The following FSTL4 variants were observed in gnomAD, a reference collection of about 807,000 sequenced individuals.
The protein encoded by FSTL4 is follistatin like 4.
Under a neutral mutation model 78.2 loss-of-function variants are expected in FSTL4, and 28 were observed. The ratio of observed to expected loss-of-function variants is 0.36; its 90% CI spans 0.27 to 0.49. The LOEUF (loss-of-function observed/expected upper bound fraction) is 0.49, where lower values mean the gene tolerates loss of function less well. Ranked by LOEUF, FSTL4 falls within the 20% of genes least tolerant of loss-of-function variation. The pLI is 0.98. For missense variants in FSTL4, 922 were observed against 1,084.9 expected (o/e 0.85, Z 2.11); for synonymous variants, 422 against 440.5 (o/e 0.96, Z 0.53).
intron 3 of FSTL4, among the ~76,000 whole-genome samples, chr5:133,464,928 A>G (rs755677325): frequency 4.6e-5 from 7 of 152,176 alleles, no homozygotes; most frequent in Non-Finnish European, 1.0e-4. Flanking sequence ...TACATCCCCA[A>G]GAAGTCAGTG....
At chr5:133,593,234 C>T (rs1461971917) in intron 2 of FSTL4, among the ~76,000 whole-genome samples, 1 of 152,126 alleles carries the variant, frequency 6.6e-6, no homozygotes, top group African/African-American at 2.4e-5. Flanking sequence ...GGCCCTGAAA[C>T]TTGTCCACCA....
chr5:133,780,491 C>G, the FSTL4 span, among the ~76,000 whole-genome samples: 2 of 149,780 alleles, frequency 1.3e-5, no homozygotes, highest in Non-Finnish European at 1.5e-5. Flanking sequence ...CAGCTTGTCT[C>G]CTGTGTATTG....
At chr5:133,572,212 T>C (rs932475324) in intron 2 of FSTL4, among the ~76,000 whole-genome samples, 4 of 152,228 alleles carry the variant, frequency 2.6e-5, no homozygotes, top group Non-Finnish European at 4.4e-5. Context: ...GTGGGATAGC[T>C]GATTTTTCAG....
the FSTL4 span, among the ~76,000 whole-genome samples, chr5:133,799,446 A>G: frequency 1.4e-5 from 2 of 138,888 alleles, 1 homozygote; most frequent in African/African-American, 5.3e-5. Flanking sequence ...GTTAAGCCAC[A>G]GACACTGCTT....
chr5:133,250,993 C>T (rs765644560), intron 6 of FSTL4, among the ~76,000 whole-genome samples: 1 of 152,170 alleles, frequency 6.6e-6, no homozygotes, highest in Non-Finnish European at 1.5e-5. Context: ...GTGAAGGAAC[C>T]CTCAAGGAAA....
intron 4 of FSTL4, among the ~76,000 whole-genome samples, chr5:133,335,689 G>GGT (rs879769005): frequency 2.6e-5 from 4 of 151,540 alleles, no homozygotes; most frequent in Non-Finnish European, 5.9e-5. Flanking sequence ...CTTGGGGGGG[G>GGT]TGGCAATCAG....
At chr5:133,534,143 T>TA (rs1313955368) in intron 3 of FSTL4, among the ~76,000 whole-genome samples, 3 of 151,280 alleles carry the variant, frequency 2.0e-5, no homozygotes, top group South Asian at 4.2e-4. Context: ...CTGGTTGTAT[T>TA]AAAAAAAACC....
At chr5:133,610,598 C>G (rs1761068757) in intron 1 of FSTL4, among the ~76,000 whole-genome samples, 1 of 152,210 alleles carries the variant, frequency 6.6e-6, no homozygotes, top group Admixed American at 6.5e-5. Flanking sequence ...GCTTGAGCTC[C>G]TGCCTGAGAG....
At chr5:133,459,262 G>C (rs776443154) in intron 3 of FSTL4, among the ~76,000 whole-genome samples, 11 of 152,052 alleles carry the variant, frequency 7.2e-5, no homozygotes, top group Admixed American at 4.6e-4. Context: ...GACAGTCCCC[G>C]AGAGTGCTTT....
intron 4 of FSTL4, among the ~76,000 whole-genome samples, chr5:133,330,477 G>A (rs533676268): frequency 2.0e-5 from 3 of 152,222 alleles, no homozygotes; most frequent in South Asian, 2.1e-4. Flanking sequence ...ACCAGATCTC[G>A]CAAGGACTCA....
intron 6 of FSTL4, among the ~76,000 whole-genome samples, chr5:133,253,542 G>C (rs1029600949): frequency 1.3e-5 from 2 of 152,170 alleles, no homozygotes; most frequent in African/African-American, 4.8e-5. Flanking sequence ...ATCTGCCCCT[G>C]TTCTTTGCCC....
the FSTL4 span, among the ~76,000 whole-genome samples, chr5:133,676,524 A>G: frequency 9.2e-5 from 14 of 152,294 alleles, no homozygotes; most frequent in East Asian, 2.1e-3. Context: ...TCTTTTTCTT[A>G]GAATAGCCTT....
intron 6 of FSTL4, among the ~76,000 whole-genome samples, chr5:133,289,158 G>C (rs1378599115): frequency 1.3e-5 from 2 of 152,196 alleles, no homozygotes; most frequent in East Asian, 3.9e-4. Context: ...TGGAGCCTCA[G>C]GGCAAAGCAG....
At chr5:133,711,863 A>G in the FSTL4 span, among the ~76,000 whole-genome samples, 2 of 152,318 alleles carry the variant, frequency 1.3e-5, no homozygotes, top group African/African-American at 4.8e-5. Flanking sequence ...AAATGGTGGA[A>G]GGACAGGAGT....
chr5:133,379,650 A>AT (rs1457273955), intron 4 of FSTL4, among the ~76,000 whole-genome samples: 1 of 152,240 alleles, frequency 6.6e-6, no homozygotes, highest in African/African-American at 2.4e-5. Flanking sequence ...TACATAACCA[A>AT]TGGGTCAAAT....
At position 133,400,894 on chromosome 5, in the gene FSTL4, G is replaced by C. The variant is rs748030240; in HGVS notation, c.253C>G (p.Pro85Ala). The change falls in exon 4 of 16, where the codon CCC (proline) becomes GCC (alanine). Residue 85 changes from proline (P) to alanine (A), a missense_variant. By Grantham distance (27) the Pro-to-Ala change is conservative. Transcript: ENST00000265342. ...CATGCCTCCAGGCACTGGCATTCGG[G>C]CTCCCCTGTCTTCCTGCTGAGCACG... ...RCVLSRKTGEPECQCLEACRP... is the reference protein window; with the variant it reads ...RCVLSRKTGEAECQCLEACRP... 2.5e-6 allele frequency: 4 copies of C among 1,613,838 alleles called. No individual in the cohort carries two copies. Among genetic ancestry groups the C allele is most frequent in the Non-Finnish European group, 3.4e-6 (4 of 1,180,020 alleles).
chr5:133,637,207 A>G, the FSTL4 span, among the ~76,000 whole-genome samples: 1 of 151,852 alleles, frequency 6.6e-6, no homozygotes, highest in Admixed American at 6.6e-5. Context: ...CTAGAAGCTC[A>G]CTTCTCTCTT....
intron 12 of FSTL4, among the ~76,000 whole-genome samples, chr5:133,220,292 C>T (rs1008021658): frequency 2.0e-5 from 3 of 152,268 alleles, no homozygotes; most frequent in Admixed American, 6.5e-5. Flanking sequence ...GTGGGGGCCA[C>T]AGCCCTGGGG....
At chr5:133,207,427 C>T (rs1463545423) in intron 14 of FSTL4, among the ~76,000 whole-genome samples, 2 of 152,162 alleles carry the variant, frequency 1.3e-5, no homozygotes, top group Non-Finnish European at 1.5e-5. Context: ...TTTATTATCA[C>T]TTTATGTGTG....
Sources: gnomAD v4.1 joint callset for allele counts (sites outside exome capture counted in the v4.1 genomes callset) on GRCh38, gnomAD v4.1.1 for gene constraint, MANE v1.5 for transcripts, NCBI Gene and HGNC (gene_info 2026-07-23, HGNC 2026-07-21) for gene names.